Variants in PDE6C observed in about 807,000 individuals in gnomAD.
PDE6C encodes phosphodiesterase 6C.
A neutral mutation model predicts 113.1 loss-of-function variants in PDE6C; 75 were observed. The observed-to-expected ratio is 0.66, with a 90% CI of 0.55 to 0.80. The LOEUF (loss-of-function observed/expected upper bound fraction) is 0.80. Among genes scored for constraint, PDE6C ranks in the 30% least tolerant of loss-of-function variants. The pLI is 0.00. For synonymous variants in PDE6C, 375 were observed against 363.7 expected (o/e 1.03, Z -0.35); for missense variants, 912 against 1,038.6 (o/e 0.88, Z 1.67).
Position 93,662,559 on chromosome 10 carries a change from G to A in PDE6C, c.2284-1G>A. The A allele has an allele frequency of 7.3e-7, 1 of 1,374,944 alleles. No individual in the cohort carries two copies. The highest frequency in any genetic ancestry group is 1.2e-5 in the South Asian group (1 of 86,246). 85.2% of individuals were successfully genotyped at this position (1,374,944 alleles called of 1,614,324 possible). A position where few individuals can be genotyped will look rare whatever the true frequency, so the allele number is the denominator to read the frequency against. On this transcript the variant is annotated splice_acceptor_variant, in intron 19 of 21. Transcript: ENST00000371447. LOFTEE classifies it high-confidence loss of function. ...CTTAAAGGATTTATTTCTCTTTCTAGCCTATGATGGACAGAAACAAAAGAG... is the reference window on the plus strand; with the variant it reads ...CTTAAAGGATTTATTTCTCTTTCTAACCTATGATGGACAGAAACAAAAGAG...
intron 7 of PDE6C, among the ~76,000 whole-genome samples, chr10:93,627,755 A>G (rs1472356540): frequency 2.6e-5 from 4 of 152,250 alleles, no homozygotes; most frequent in African/African-American, 2.4e-5. Context: ...TGCTCAGCCC[A>G]TCAAATGATG....
chr10:93,640,391 C>T (rs1377806907), intron 12 of PDE6C, 59 bp from the exon 13 acceptor site: 2 of 1,379,808 alleles, frequency 1.4e-6, no homozygotes, highest in East Asian at 4.6e-5. Flanking sequence ...AAGATTGCCA[C>T]AGACCTTCTA....
chr10:93,615,713 G>A (rs540978315), intron 1 of PDE6C, among the ~76,000 whole-genome samples: 2 of 152,290 alleles, frequency 1.3e-5, no homozygotes, highest in East Asian at 3.9e-4. Flanking sequence ...AGCTCCCCCA[G>A]CTACTTCTAA....
chr10:93,640,795 C>T (rs952589262), intron 13 of PDE6C, 125 bp from the exon 14 acceptor site: 2 of 735,726 alleles, frequency 2.7e-6, no homozygotes, highest in East Asian at 5.4e-5. Flanking sequence ...ACAATACTCA[C>T]AACAAATAAA....
chr10:93,622,659 TTTGTTG>T (rs752379007), intron 4 of PDE6C, among the ~76,000 whole-genome samples: 22 of 70,966 alleles, frequency 3.1e-4, no homozygotes, highest in African/African-American at 8.9e-4. Context: ...TGTTTTTTTT[TTTGTTG>T]TTTTTTTTTT....
At chr10:93,635,423 G>A (rs1014724126) in intron 9 of PDE6C, 74 bp from the exon 10 acceptor site, 8 of 1,122,604 alleles carry the variant, frequency 7.1e-6, no homozygotes, top group South Asian at 2.5e-5. Context: ...GGATAGAAAA[G>A]CGTGCAGATT....
intron 3 of PDE6C, 21 bp from the exon 4 acceptor site, chr10:93,621,910 TC>T (rs1220042541): frequency 6.2e-7 from 1 of 1,610,534 alleles, no homozygotes; most frequent in South Asian, 1.1e-5. Flanking sequence ...CTAACTGTTT[TC>T]TTTTTGATAC....
intron 4 of PDE6C, among the ~76,000 whole-genome samples, chr10:93,624,945 A>T (rs1044361162): frequency 6.6e-6 from 1 of 152,102 alleles, no homozygotes; most frequent in Non-Finnish European, 1.5e-5. Context: ...ACTGGGAGGC[A>T]TTTTCTCCAA....
Position 93,640,445 on chromosome 10 carries a change from T to C in PDE6C, c.1630-5T>C, listed in dbSNP as rs2058553817. The C allele has an allele frequency of 2.5e-6, 4 of 1,601,570 alleles. No individual in the cohort carries two copies. In the African/African-American group the frequency reaches 5.4e-5, roughly 21 times the overall value. On this transcript the variant is annotated splice_region_variant and splice_polypyrimidine_tract_variant and intron_variant, in intron 12 of 21. Coordinates refer to ENST00000371447, the MANE Select transcript of PDE6C (RefSeq NM_006204.4). ...CAAAGTCTGAATGGTGTCATCTTCT[T>C]TTAGGTTCTTACCAGATGGATGTAC...
intron 15 of PDE6C, among the ~76,000 whole-genome samples, chr10:93,648,902 C>A (rs2058596554): frequency 6.6e-6 from 1 of 152,158 alleles, no homozygotes; most frequent in African/African-American, 2.4e-5. Flanking sequence ...CAGCCTGCCC[C>A]ATTTTACACA....
chr10:93,638,623 T>G (rs1011110470), intron 11 of PDE6C, among the ~76,000 whole-genome samples: 3 of 152,236 alleles, frequency 2.0e-5, no homozygotes, highest in Admixed American at 6.5e-5. Context: ...CTATTTTGAA[T>G]GTAAAATCTA....
At chr10:93,657,997 TGTCTCTACAAAAA>T (rs1241254071) in intron 16 of PDE6C, among the ~76,000 whole-genome samples, 16 of 151,346 alleles carry the variant, frequency 1.1e-4, no homozygotes, top group Non-Finnish European at 2.4e-4. Flanking sequence ...ATAGCAAGAC[TGTCTCTACAAAAA>T]AATTAAAAAA....
chr10:93,617,840 G>A (rs970219861), intron 1 of PDE6C, among the ~76,000 whole-genome samples: 5 of 152,160 alleles, frequency 3.3e-5, no homozygotes, highest in African/African-American at 7.2e-5. Flanking sequence ...GTATTTCGAT[G>A]ATTCCTTTAG....
intron 4 of PDE6C, among the ~76,000 whole-genome samples, chr10:93,624,098 T>G (rs1220631459): frequency 1.3e-5 from 2 of 152,100 alleles, no homozygotes; most frequent in Non-Finnish European, 2.9e-5. Flanking sequence ...TAGGTTTTTG[T>G]ATTCTAAAAA....
At chr10:93,625,767 G>A (rs1312952004) in intron 5 of PDE6C, 118 bp downstream of exon 5, 14 of 722,340 alleles carry the variant, frequency 1.9e-5, no homozygotes, top group Non-Finnish European at 3.5e-5. Context: ...AACAGCACTA[G>A]ACAAGGAGTT....
At position 93,654,413 on chromosome 10, in the gene PDE6C, G is replaced by A. The variant is rs189012492; in HGVS notation, c.1936-1347G>A. On this transcript the variant is annotated intron_variant, in intron 15 of 21. Coordinates refer to ENST00000371447, the MANE Select transcript of PDE6C (RefSeq NM_006204.4). ...TGCCACATTCTAGCTGTTTAACCTC[G>A]GGCAAGTTACTTCACCTCTCTGTGC... Among the ~76,000 whole-genome samples, 42 of 152,246 alleles carry A rather than the reference G, an allele frequency of 2.8e-4. 1 individual carries two copies. In the South Asian group the frequency reaches 4.2e-3, roughly 15 times the overall value.
intron 15 of PDE6C, 150 bp from the exon 16 acceptor site, chr10:93,655,610 C>CAAAAAAAAAAAAAAAAAAAGAAGAA: frequency 3.8e-6 from 1 of 265,130 alleles, no homozygotes; most frequent in Non-Finnish European, 6.6e-6. Context: ...AAAAGCAAGC[C>CAAAAAAAAAAAAAAAAAAAGAAGAA]AAAAAAAAAA....
chr10:93,657,647 A>G (rs772514415), intron 16 of PDE6C, among the ~76,000 whole-genome samples: 1 of 152,156 alleles, frequency 6.6e-6, no homozygotes, highest in Non-Finnish European at 1.5e-5. Flanking sequence ...CAACTGTTGA[A>G]TATTCATAAT....
At chr10:93,645,857 G>C in intron 14 of PDE6C, 103 bp from the exon 15 acceptor site, 1 of 731,148 alleles carries the variant, frequency 1.4e-6, no homozygotes, top group Non-Finnish European at 2.5e-6. Flanking sequence ...ACAGATAATT[G>C]AGTGAGGAGG....
Sources: gnomAD v4.1 joint callset for allele counts (sites outside exome capture counted in the v4.1 genomes callset) on GRCh38, gnomAD v4.1.1 for gene constraint, MANE v1.5 for transcripts, NCBI Gene and HGNC (gene_info 2026-07-23, HGNC 2026-07-21) for gene names.